KIAA1328: variants seen among roughly 807,000 people sequenced by gnomAD.
KIAA1328 encodes the protein protein hinderin.
In KIAA1328, 52 loss-of-function variants were observed where a neutral mutation model predicts 68.1. The observed-to-expected ratio is 0.76, with a 90% CI of 0.61 to 0.96. KIAA1328 has a LOEUF of 0.96. Ranked by LOEUF, KIAA1328 falls within the 40% of genes least tolerant of loss-of-function variation. The pLI is 0.00. For missense variants in KIAA1328, 641 were observed against 677.6 expected (o/e 0.95, Z 0.60); for synonymous variants, 232 against 239.4 (o/e 0.97, Z 0.28).
chr18:37,167,277 G>A (rs1388637787), intron 8 of KIAA1328, among the ~76,000 whole-genome samples: 1 of 152,162 alleles, frequency 6.6e-6, no homozygotes, highest in Non-Finnish European at 1.5e-5. Context: ...CCGTCTATAG[G>A]TGGCTCGTGT....
chr18:37,058,404 C>A (rs1418176430), intron 6 of KIAA1328, among the ~76,000 whole-genome samples: 1 of 151,970 alleles, frequency 6.6e-6, no homozygotes, highest in African/African-American at 2.4e-5. Flanking sequence ...CATATGATTC[C>A]ATTTATACTT....
chr18:37,000,060 A>G (rs1170936461), intron 6 of KIAA1328, among the ~76,000 whole-genome samples: 1 of 152,104 alleles, frequency 6.6e-6, no homozygotes, highest in Non-Finnish European at 1.5e-5. Context: ...AATATACAGA[A>G]TATTTAAATG....
chr18:37,006,948 G>A (rs1374187992), intron 6 of KIAA1328, among the ~76,000 whole-genome samples: 2 of 152,150 alleles, frequency 1.3e-5, no homozygotes, highest in Non-Finnish European at 2.9e-5. Context: ...CAATGCCTGA[G>A]TAATAACAAA....
intron 9 of KIAA1328, among the ~76,000 whole-genome samples, chr18:37,186,418 T>G (rs886454456): frequency 6.6e-6 from 1 of 151,622 alleles, no homozygotes; most frequent in Non-Finnish European, 1.5e-5. Flanking sequence ...ATTTAAAAAA[T>G]TAGCCAGGCA....
chr18:37,047,431 C>G (rs982900015), intron 6 of KIAA1328, among the ~76,000 whole-genome samples: 1 of 152,162 alleles, frequency 6.6e-6, no homozygotes, highest in Non-Finnish European at 1.5e-5. Flanking sequence ...GGCACTGACA[C>G]CATTTTTATA....
chr18:37,169,086 A>G (rs1002462930), intron 8 of KIAA1328, among the ~76,000 whole-genome samples: 7 of 152,018 alleles, frequency 4.6e-5, no homozygotes, highest in Admixed American at 3.3e-4. Context: ...GTATATAAAC[A>G]TACACATTTA....
intron 5 of KIAA1328, among the ~76,000 whole-genome samples, chr18:36,905,080 GATATTTAT>G (rs2049168596): frequency 7.5e-6 from 1 of 133,092 alleles, no homozygotes; most frequent in South Asian, 2.5e-4. Context: ...CTTGTAAGGA[GATATTTAT>G]TTATTTATTT....
chr18:36,839,584 T>C (rs1388767973), intron 3 of KIAA1328, among the ~76,000 whole-genome samples: 1 of 152,220 alleles, frequency 6.6e-6, no homozygotes, highest in African/African-American at 2.4e-5. Flanking sequence ...TTATAGGCTG[T>C]ATTTTTCTGC....
chr18:37,071,437 G>C (rs1277173099), intron 7 of KIAA1328, among the ~76,000 whole-genome samples: 1 of 151,946 alleles, frequency 6.6e-6, no homozygotes, highest in East Asian at 1.9e-4. Context: ...CATATCCCTG[G>C]AGTCAACCAA....
At chr18:37,148,810 G>T (rs920936988) in intron 7 of KIAA1328, among the ~76,000 whole-genome samples, 1 of 152,008 alleles carries the variant, frequency 6.6e-6, no homozygotes, top group African/African-American at 2.4e-5. Flanking sequence ...CTTTTTAATG[G>T]GGTTGTTTGT....
chr18:37,039,969 T>C (rs1352243060), intron 6 of KIAA1328, among the ~76,000 whole-genome samples: 1 of 152,176 alleles, frequency 6.6e-6, no homozygotes, highest in Non-Finnish European at 1.5e-5. Flanking sequence ...GGTCTGCTTT[T>C]CCTTGCGGTC....
At chr18:37,100,627 C>A (rs2057581174) in intron 7 of KIAA1328, among the ~76,000 whole-genome samples, 1 of 152,220 alleles carries the variant, frequency 6.6e-6, no homozygotes, top group Admixed American at 6.5e-5. Context: ...CAGCAGAAAC[C>A]TCTGCAGATT....
chr18:37,094,233 T>G (rs760620570), intron 7 of KIAA1328, among the ~76,000 whole-genome samples: 2 of 152,110 alleles, frequency 1.3e-5, no homozygotes, highest in African/African-American at 2.4e-5. Context: ...TGCCTACCAC[T>G]CGCCTCCTGC....
chr18:37,212,005 A>C (rs1421353469), intron 9 of KIAA1328, among the ~76,000 whole-genome samples: 5 of 152,196 alleles, frequency 3.3e-5, no homozygotes, highest in Non-Finnish European at 4.4e-5. Context: ...TAAGCATGAA[A>C]TTGGATAGAA....
chr18:37,064,426 T>C (rs2056270015), intron 6 of KIAA1328, among the ~76,000 whole-genome samples: 3 of 152,136 alleles, frequency 2.0e-5, no homozygotes. Flanking sequence ...CCCCTTATAC[T>C]AGGGATCTCA....
chr18:36,970,383 T>G (rs1598853895), intron 6 of KIAA1328, among the ~76,000 whole-genome samples: 5 of 152,328 alleles, frequency 3.3e-5, no homozygotes, highest in Admixed American at 3.3e-4. Context: ...GCATTCCCTT[T>G]GAAAACGGGC....
chr18:36,838,035 G>A (rs1214913645), intron 3 of KIAA1328, among the ~76,000 whole-genome samples: 1 of 152,060 alleles, frequency 6.6e-6, no homozygotes, highest in African/African-American at 2.4e-5. Flanking sequence ...GTTTCCATAG[G>A]CATTATAGAA....
intron 7 of KIAA1328, among the ~76,000 whole-genome samples, chr18:37,086,873 T>C (rs2057119860): frequency 6.6e-6 from 1 of 152,232 alleles, no homozygotes; most frequent in African/African-American, 2.4e-5. Flanking sequence ...TGTATGCTGA[T>C]ATGCATAAGT....
At chr18:36,967,392 A>G (rs886529483) in intron 6 of KIAA1328, among the ~76,000 whole-genome samples, 13 of 152,334 alleles carry the variant, frequency 8.5e-5, no homozygotes, top group African/African-American at 2.9e-4. Context: ...AGATATTCCA[A>G]ATTAGATCAC....
Sources: gnomAD v4.1 joint callset for allele counts (sites outside exome capture counted in the v4.1 genomes callset) on GRCh38, gnomAD v4.1.1 for gene constraint, MANE v1.5 for transcripts, NCBI Gene and HGNC (gene_info 2026-07-23, HGNC 2026-07-21) for gene names.